The following NALCN variants were observed in gnomAD, a reference collection of about 807,000 sequenced individuals.
NALCN encodes sodium leak channel NALCN.
In NALCN, 111 loss-of-function variants were observed where a neutral mutation model predicts 225.3. The observed-to-expected ratio is 0.49, with a 90% CI of 0.42 to 0.58. The LOEUF (loss-of-function observed/expected upper bound fraction) is 0.58, where lower values mean the gene tolerates loss of function less well. NALCN is among the 20% of genes least tolerant of loss of function. The pLI, the probability that NALCN is intolerant of heterozygous loss-of-function variation, is 0.00. For missense variants in NALCN, 1,378 were observed against 2,202.4 expected, an observed-to-expected ratio of 0.63 and a Z score of 7.49; for synonymous variants, 764 against 769.0, an observed-to-expected ratio of 0.99 and a Z score of 0.11.
At chr13:101,324,555 T>C (rs1456268645) in intron 7 of NALCN, among the ~76,000 whole-genome samples, 1 of 152,080 alleles carries the variant, frequency 6.6e-6, no homozygotes, top group Non-Finnish European at 1.5e-5. Flanking sequence ...TGAATGGGAG[T>C]TCACTCATGA....
At chr13:101,366,932 T>C (rs61674681) in intron 6 of NALCN, among the ~76,000 whole-genome samples, 6,054 of 152,070 alleles carry the variant, frequency 0.04, 430 homozygotes, top group African/African-American at 0.14. Context: ...CCCTTGCAGC[T>C]CCATCTCCTT....
intron 26 of NALCN, among the ~76,000 whole-genome samples, chr13:101,101,603 G>A (rs2139601256): frequency 6.6e-6 from 1 of 152,228 alleles, no homozygotes; most frequent in Non-Finnish European, 1.5e-5. Flanking sequence ...TTTATTAGCA[G>A]AGCACAAATG....
chr13:101,212,524 C>T (rs534406467), intron 13 of NALCN, among the ~76,000 whole-genome samples: 7 of 152,140 alleles, frequency 4.6e-5, no homozygotes, highest in East Asian at 3.9e-4. Context: ...TTGTTCATGT[C>T]GGTATGCTTC....
At chr13:101,194,537 C>T (rs1336733119) in intron 13 of NALCN, among the ~76,000 whole-genome samples, 1 of 152,174 alleles carries the variant, frequency 6.6e-6, no homozygotes, top group African/African-American at 2.4e-5. Flanking sequence ...AGTGCACTTA[C>T]TGACTTACAT....
At chr13:101,373,095 C>T (rs2046587307) in intron 6 of NALCN, 1 of 384,170 alleles carries the variant, frequency 2.6e-6, no homozygotes, top group Non-Finnish European at 5.2e-6. Flanking sequence ...AATAGGTAAG[C>T]TCTTTGAAAA....
rs370978345 is a variant in NALCN at position 101,304,061 on chromosome 13, T to C, written c.800-11695A>G. 1.8e-4 allele frequency among the ~76,000 whole-genome samples: 28 copies of C among 152,356 alleles called. 1 individual carries two copies. Among genetic ancestry groups the C allele is most frequent in the African/African-American group, 5.5e-4 (23 of 41,576 alleles). On this transcript the variant is annotated intron_variant, in intron 7 of 43. Transcript: ENST00000251127. The stretch of plus-strand genomic sequence containing the variant: ...TTCATCAACCAATGCAGGGTATTCA[T>C]AAGTCTTTTTGTAGAGTGTAGGTGT...
intron 37 of NALCN, among the ~76,000 whole-genome samples, chr13:101,069,805 C>T (rs2032716257): frequency 6.6e-6 from 1 of 152,182 alleles, no homozygotes; most frequent in South Asian, 2.1e-4. Context: ...GATTCCATTT[C>T]AAGAAACCAC....
intron 3 of NALCN, among the ~76,000 whole-genome samples, chr13:101,392,350 G>A (rs1490020029): frequency 1.3e-5 from 2 of 151,930 alleles, no homozygotes; most frequent in East Asian, 1.9e-4. Context: ...TTTCTTTATC[G>A]GAATGGAAGG....
intron 6 of NALCN, among the ~76,000 whole-genome samples, chr13:101,362,746 C>CAG (rs2046283777): frequency 6.6e-6 from 1 of 151,922 alleles, no homozygotes; most frequent in Non-Finnish European, 1.5e-5. Context: ...CCAGAGCAAT[C>CAG]AGATAAGAGA....
intron 7 of NALCN, among the ~76,000 whole-genome samples, chr13:101,325,746 GGT>G (rs745753685): frequency 6.6e-6 from 1 of 152,090 alleles, no homozygotes; most frequent in South Asian, 2.1e-4. Flanking sequence ...GTTTAAACAT[GGT>G]GTGTGTGGCT....
At position 101,144,823 on chromosome 13, in the gene NALCN, G is replaced by A. The variant is rs1261179299; in HGVS notation, c.1913C>T (p.Pro638Leu). 1.9e-6 allele frequency: 3 copies of A among 1,613,494 alleles called. No individual in the cohort carries two copies. Among genetic ancestry groups the A allele is most frequent in the South Asian group, 1.1e-5 (1 of 90,988 alleles). The change falls in exon 16 of 44, where the codon CCA becomes CTA. Residue 638 changes from proline (P) to leucine (L), a missense_variant. By Grantham distance (98) the Pro-to-Leu change is moderately conservative. Around this residue, in one of 19 missense-constraint regions of NALCN, gnomAD observed 62 missense variants for 143.6 expected, o/e 0.43. Transcript: ENST00000251127. ...GATTTTCACCATTTGAGGTCTGTTT[G>A]GAAATTTTTCAAAGATTCGCAGGCG... ...PLRLRIFEKFPNRPQMVKISK... is the reference protein window; with the variant it reads ...PLRLRIFEKFLNRPQMVKISK...
At chr13:101,133,428 G>A (rs775598292) in intron 17 of NALCN, among the ~76,000 whole-genome samples, 89 of 152,076 alleles carry the variant, frequency 5.9e-4, no homozygotes, top group Admixed American at 5.2e-4. Flanking sequence ...ACAAAACCAC[G>A]GTCCAATGAA....
At chr13:101,232,533 C>G (rs1484311146) in intron 12 of NALCN, among the ~76,000 whole-genome samples, 2 of 151,454 alleles carry the variant, frequency 1.3e-5, no homozygotes, top group Non-Finnish European at 2.9e-5. Context: ...GCAAGCTCCA[C>G]CTCCCGGGTT....
intron 40 of NALCN, 26 bp from the exon 41 acceptor site, chr13:101,062,144 C>G: frequency 6.2e-7 from 1 of 1,611,596 alleles, no homozygotes; most frequent in Non-Finnish European, 8.5e-7. Flanking sequence ...CACCTGCAAT[C>G]GCAGCTCTGA....
intron 18 of NALCN, among the ~76,000 whole-genome samples, chr13:101,123,280 G>A (rs960723439): frequency 6.6e-5 from 10 of 152,172 alleles, no homozygotes; most frequent in African/African-American, 1.9e-4. Context: ...GCAGATACTC[G>A]ATGCAGACTG....
chr13:101,247,274 T>A (rs1219518989), intron 11 of NALCN, among the ~76,000 whole-genome samples: 3 of 152,166 alleles, frequency 2.0e-5, no homozygotes, highest in Non-Finnish European at 4.4e-5. Flanking sequence ...ATTATCAGCT[T>A]ATCTGAAAAA....
rs549825448 is a variant in NALCN at position 101,160,635 on chromosome 13, C to T, written c.1839+15665G>A. 4.6e-5 allele frequency among the ~76,000 whole-genome samples: 7 copies of T among 152,216 alleles called. No individual in the cohort carries two copies. The East Asian group carries it at 1.4e-3, about 29-fold the overall frequency. ...TGCAGGTGAGTTCTCCAAATGTCTG[C>T]CTGTTCTGTTTTTTGTTTTGTTTTG... is the stretch of plus-strand genomic sequence containing the variant. On this transcript the variant is annotated intron_variant, in intron 15 of 43. Transcript: ENST00000251127.
At position 101,055,256 on chromosome 13, in the gene NALCN, G is replaced by A. The variant is rs754181315; in HGVS notation, c.*39C>T. The A allele has an allele frequency of 1.4e-5, 22 of 1,527,872 alleles. No individual in the cohort carries two copies. Among genetic ancestry groups the A allele is most frequent in the East Asian group, 2.3e-5 (1 of 44,064 alleles). 94.6% of individuals were successfully genotyped at this position (1,527,872 alleles called of 1,614,324 possible). ...ACAATCAAGGACATTATTAGAAAAC[G>A]GTTTCCACCACTAGAAATTCATCTA... On this transcript the variant is annotated 3_prime_UTR_variant, in exon 44 of 44. Coordinates refer to ENST00000251127, the MANE Select transcript of NALCN (RefSeq NM_052867.4).
At chr13:101,345,089 T>C (rs947365088) in intron 7 of NALCN, among the ~76,000 whole-genome samples, 177 bp downstream of exon 7, 5 of 152,222 alleles carry the variant, frequency 3.3e-5, no homozygotes, top group African/African-American at 1.2e-4. Context: ...ACAGCTTGTA[T>C]GCTACGCACT....
Sources: allele counts gnomAD v4.1 joint callset (sites outside exome capture counted in the v4.1 genomes callset), GRCh38; gene constraint gnomAD v4.1.1; regional missense constraint gnomAD v4.1.1; transcripts MANE v1.5; gene names NCBI Gene and HGNC (gene_info 2026-07-23, HGNC 2026-07-21).